The following KIF11 variants were observed in gnomAD, a reference collection of about 807,000 sequenced individuals.
The protein encoded by KIF11 is kinesin-like protein KIF11.
KIF11 carries 9 observed loss-of-function variants against 121.0 expected under a neutral mutation model. The ratio of observed to expected loss-of-function variants is 0.07; its 90% CI spans 0.04 to 0.13. The LOEUF (loss-of-function observed/expected upper bound fraction) is 0.13. Ranked by LOEUF, KIF11 falls within the 10% of genes least tolerant of loss-of-function variation. The pLI, the probability that KIF11 is intolerant of heterozygous loss-of-function variation, is 1.00. For synonymous variants in KIF11, 408 were observed against 421.0 expected (o/e 0.97, Z 0.38); for missense variants, 846 against 1,217.5 (o/e 0.69, Z 4.54).
At position 92,593,160 on chromosome 10, in the gene KIF11, T is replaced by C. The variant is rs913208625; in HGVS notation, c.-216T>C. On this transcript the variant is annotated 5_prime_UTR_variant, in exon 1 of 22. Coordinates refer to ENST00000260731, the MANE Select transcript of KIF11 (RefSeq NM_004523.4). Reference sequence around the variant, plus strand: ...CTGGGGATTCGGGCGGAGACGAGATTAGTGATTTGGCGGCTCCGACTGGCG... The same window carrying C: ...CTGGGGATTCGGGCGGAGACGAGATCAGTGATTTGGCGGCTCCGACTGGCG... The C allele has an allele frequency of 3.8e-6, 2 of 533,278 alleles. No homozygotes were observed. Among genetic ancestry groups the C allele is most frequent in the East Asian group, 6.3e-5 (2 of 31,876 alleles). The allele number at this position is 533,278 out of a possible 1,614,324, so 33.0% of individuals were successfully genotyped here.
chr10:92,626,226 AGACCAAT>A (rs1844675337), intron 10 of KIF11, among the ~76,000 whole-genome samples: 1 of 152,236 alleles, frequency 6.6e-6, no homozygotes, highest in African/African-American at 2.4e-5. Flanking sequence ...AAACAGACAC[AGACCAAT>A]GGAACCGAAT....
At position 92,613,066 on chromosome 10, in the gene KIF11, C is replaced by T; in HGVS notation, c.725C>T (p.Thr242Ile). Reference sequence around the variant, plus strand: ...CGTTCCCACTCAGTTTTCTCTGTTACAATACATATGAAAGAAACTACGATT... The same window carrying T: ...CGTTCCCACTCAGTTTTCTCTGTTATAATACATATGAAAGAAACTACGATT... ...SSRSHSVFSV[T>I]IHMKETTIDG... The change falls in exon 7 of 22, where the codon ACA becomes ATA. Residue 242 changes from threonine (T) to isoleucine (I), a missense_variant. By Grantham distance (89) the Thr-to-Ile change is moderately conservative. Transcript: ENST00000260731. The surrounding 1 kb of genome is among the most constrained non-coding windows in gnomAD (Gnocchi z 4.2). The T allele has an allele frequency of 6.2e-7, 1 of 1,609,320 alleles. No homozygotes were observed. The highest frequency in any genetic ancestry group is 8.5e-7 in the Non-Finnish European group (1 of 1,176,916).
intron 1 of KIF11, chr10:92,597,129 C>G (rs771898813): frequency 6.1e-5 from 18 of 293,916 alleles, no homozygotes; most frequent in African/African-American, 3.8e-4. Context: ...TGCTTTGGCC[C>G]TTTGTGCAGT....
intron 10 of KIF11, among the ~76,000 whole-genome samples, 171 bp downstream of exon 10, chr10:92,621,644 C>T (rs1397241168): frequency 6.9e-6 from 1 of 145,270 alleles, no homozygotes; most frequent in Non-Finnish European, 1.5e-5. Context: ...CACTGTCACC[C>T]AGACTGGAGC....
At position 92,613,405 on chromosome 10, in the gene KIF11, G is replaced by C; in HGVS notation, c.818G>C (p.Gly273Ala). 6.2e-7 allele frequency: 1 copy of C among 1,609,426 alleles called. No homozygotes were observed. Among genetic ancestry groups the C allele is most frequent in the Non-Finnish European group, 8.5e-7 (1 of 1,176,572 alleles). Residue 273 changes from glycine to alanine, a missense_variant, in exon 8 of 22, where the codon GGC (glycine) becomes GCC (alanine). Transcript: ENST00000260731. This position sits in a 1 kb window ranked among gnomAD's most constrained non-coding sequence, Gnocchi z 4.2. The part of the protein sequence containing the change: ...LVDLAGSENI[G>A]RSGAVDKRAR... ...GATCTTGCAGGAAGTGAAAACATTG[G>C]CCGTTCTGGAGCTGTTGATAAGAGA...
At chr10:92,601,730 T>TG (rs1463368693) in intron 1 of KIF11, among the ~76,000 whole-genome samples, 10 of 151,252 alleles carry the variant, frequency 6.6e-5, no homozygotes, top group Admixed American at 4.6e-4. Flanking sequence ...TTTTTAGAGA[T>TG]GGGGTCTCGC....
At chr10:92,595,230 T>C (rs1844281647) in intron 1 of KIF11, among the ~76,000 whole-genome samples, 1 of 152,158 alleles carries the variant, frequency 6.6e-6, no homozygotes, top group Admixed American at 6.5e-5. Flanking sequence ...TGGCTAATTT[T>C]TGTATTTTTA....
intron 8 of KIF11, among the ~76,000 whole-genome samples, chr10:92,615,918 C>T (rs1844549845): frequency 6.7e-6 from 1 of 149,930 alleles, no homozygotes; most frequent in Non-Finnish European, 1.5e-5. Context: ...TGACTCACTG[C>T]AGTCTTCGCC....
At chr10:92,649,688 C>T in intron 19 of KIF11, 147 bp from the exon 20 acceptor site, 1 of 552,002 alleles carries the variant, frequency 1.8e-6, no homozygotes, top group South Asian at 3.1e-5. Flanking sequence ...CAAACAATGT[C>T]TGACAGGTAG....
intron 9 of KIF11, among the ~76,000 whole-genome samples, chr10:92,618,107 C>G (rs933169220): frequency 6.6e-6 from 1 of 152,072 alleles, no homozygotes; most frequent in East Asian, 1.9e-4. Context: ...TGCTTATTAT[C>G]TATTTGTTTA....
intron 8 of KIF11, among the ~76,000 whole-genome samples, chr10:92,614,033 C>T (rs201580908): frequency 0.31 from 41,658 of 132,476 alleles, 7,134 homozygotes; most frequent in East Asian, 0.63. Context: ...CACACACACA[C>T]ACACACACAC....
At chr10:92,603,497 G>A (rs1190371542) in intron 1 of KIF11, among the ~76,000 whole-genome samples, 2 of 151,724 alleles carry the variant, frequency 1.3e-5, no homozygotes, top group African/African-American at 2.4e-5. Flanking sequence ...CATCTCCCAG[G>A]TTCAAGTGAT....
rs751159557 is a variant in KIF11, at chr10:92,645,509, A to T, written c.2414A>T (p.Asn805Ile). The change falls in exon 18 of 22, where the codon AAT (asparagine) becomes ATT (isoleucine). Residue 805 changes from asparagine to isoleucine, a missense_variant. Physicochemically the swap from Asn to Ile is moderately radical, Grantham distance 149. Around this residue, in one of 5 missense-constraint regions of KIF11, gnomAD observed 492 missense variants for 603.4 expected, o/e 0.82. Coordinates refer to ENST00000260731, the MANE Select transcript of KIF11 (RefSeq NM_004523.4). ...EESVKHSDKL[N>I]GNLEKISQET... is the part of the protein sequence containing the mutation. Reference sequence around the variant, plus strand: ...TCTGTGAAACACTCTGATAAACTCAATGGCAACCTGGAAAAAATATCTCAA... The same window carrying T: ...TCTGTGAAACACTCTGATAAACTCATTGGCAACCTGGAAAAAATATCTCAA... 1.2e-6 allele frequency: 2 copies of T among 1,614,014 alleles called. No individual in the cohort carries two copies. The highest frequency in any genetic ancestry group is 2.2e-5 in the East Asian group (1 of 44,866).
chr10:92,601,330 A>G (rs1232348901), intron 1 of KIF11, among the ~76,000 whole-genome samples: 1 of 151,226 alleles, frequency 6.6e-6, no homozygotes, highest in Non-Finnish European at 1.5e-5. Context: ...CCTTCCGAGT[A>G]GCTTGTACTA....
intron 10 of KIF11, among the ~76,000 whole-genome samples, 192 bp from the exon 11 acceptor site, chr10:92,628,616 G>T (rs1689550290): frequency 6.6e-6 from 1 of 152,138 alleles, no homozygotes; most frequent in African/African-American, 2.4e-5. Flanking sequence ...ACAAAGACAA[G>T]GAATATAATT....
chr10:92,608,898 TG>T (rs372917444), intron 4 of KIF11, 121 bp from the exon 5 acceptor site: 962 of 545,546 alleles, frequency 1.8e-3, no homozygotes, highest in African/African-American at 6.5e-3. Flanking sequence ...TTTCTTTTTT[TG>T]TTTTGTTTTA....
At chr10:92,628,782 T>A in intron 10 of KIF11, 26 bp from the exon 11 acceptor site, 1 of 1,271,530 alleles carries the variant, frequency 7.9e-7, no homozygotes. Context: ...TATTAACTGT[T>A]AAACTCATAT....
Position 92,621,418 on chromosome 10 carries a change from G to A in KIF11, c.1162G>A (p.Asp388Asn). The stretch of plus-strand genomic sequence containing the variant: ...GGAGGAGATAGAACGTTTAAAACGA[G>A]ATCTTGCTGCAGCCCGTGAGAAAAA... ...YTEEIERLKR[D>N]LAAAREKNGV... Residue 388 changes from aspartate (D) to asparagine (N), a missense_variant, in exon 10 of 22, where the codon GAT (aspartate) becomes AAT (asparagine). By Grantham distance (23) the Asp-to-Asn change is conservative. Around this residue, in one of 5 missense-constraint regions of KIF11, gnomAD observed 116 missense variants for 285.3 expected, o/e 0.41. Coordinates refer to ENST00000260731, the MANE Select transcript of KIF11 (RefSeq NM_004523.4). The A allele has an allele frequency of 1.2e-6, 2 of 1,613,504 alleles. No individual in the cohort carries two copies. Among genetic ancestry groups the A allele is most frequent in the Non-Finnish European group, 1.7e-6 (2 of 1,179,540 alleles).
chr10:92,636,417 G>C (rs1844797280), intron 14 of KIF11, among the ~76,000 whole-genome samples: 1 of 151,942 alleles, frequency 6.6e-6, no homozygotes, highest in African/African-American at 2.4e-5. Flanking sequence ...AGGAGTTCGA[G>C]ACCAGCCTGG....
Sources: gnomAD v4.1 joint callset for allele counts (sites outside exome capture counted in the v4.1 genomes callset) on GRCh38, gnomAD v4.1.1 for gene constraint, gnomAD v4.1.1 regional missense constraint, Gnocchi (gnomAD v3.1) non-coding constraint, MANE v1.5 for transcripts, NCBI Gene and HGNC (gene_info 2026-07-23, HGNC 2026-07-21) for gene names.